The following SLC1A3 variants were observed in gnomAD, a reference collection of about 807,000 sequenced individuals.
The protein encoded by SLC1A3 is solute carrier family 1 member 3.
Under a neutral mutation model 48.1 loss-of-function variants are expected in SLC1A3, and 21 were observed. That is an observed-to-expected ratio of 0.44 (90% CI 0.31 to 0.63). The LOEUF (loss-of-function observed/expected upper bound fraction) is 0.63. Among genes scored for constraint, SLC1A3 ranks in the 20% least tolerant of loss-of-function variants. SLC1A3 has a pLI of 0.08. For synonymous variants in SLC1A3, 239 were observed against 251.4 expected, an observed-to-expected ratio of 0.95 and a Z score of 0.47; for missense variants, 546 against 689.0, an observed-to-expected ratio of 0.79 and a Z score of 2.32.
At chr5:36,674,140 TACCAA>T (rs749384702) in intron 5 of SLC1A3, 49 bp downstream of exon 5, 15 of 1,461,166 alleles carry the variant, frequency 1.0e-5, no homozygotes, top group Non-Finnish European at 1.4e-5. Context: ...CTCTTTTCTA[TACCAA>T]ACCAAGTGGG....
At position 36,677,105 on chromosome 5, in the gene SLC1A3, A is replaced by C; in HGVS notation, c.781A>C (p.Lys261Gln). Residue 261 changes from lysine to glutamine, a missense_variant, in exon 6 of 10, where the codon AAG (lysine) becomes CAG (glutamine). Physicochemically the swap from Lys to Gln is moderately conservative, Grantham distance 53 (BLOSUM62 1). Coordinates refer to ENST00000265113, the MANE Select transcript of SLC1A3 (RefSeq NM_004172.5). ...CTTCGGTTTTGTGATTGGAAACATG[A>C]AGGAACAGGGGCAGGCCCTGAGAGA... The part of the protein sequence containing the change: ...MCFGFVIGNM[K>Q]EQGQALREFF... The C allele has an allele frequency of 6.2e-7, 1 of 1,614,130 alleles. No individual in the cohort carries two copies. Among genetic ancestry groups the C allele is most frequent in the East Asian group, 2.2e-5 (1 of 44,888 alleles).
At chr5:36,604,747 CAA>C (rs1338523089), upstream of SLC1A3, among the ~76,000 whole-genome samples, 2 of 152,038 alleles carry the variant, frequency 1.3e-5, no homozygotes, top group Non-Finnish European at 2.9e-5. Context: ...CTATGCTAAC[CAA>C]AGTGTGGTTT....
intron 2 of SLC1A3, among the ~76,000 whole-genome samples, chr5:36,611,122 C>T (rs1236759993): frequency 6.6e-6 from 1 of 151,994 alleles, no homozygotes; most frequent in Non-Finnish European, 1.5e-5. Context: ...AAGAATGTGT[C>T]TGTACACCAA....
upstream of SLC1A3, chr5:36,606,503 G>A (rs976475838): frequency 6.6e-6 from 1 of 152,242 alleles, no homozygotes; most frequent in Non-Finnish European, 1.5e-5. Context: ...AAACCTCGGG[G>A]TTTCCCCCTC....
intron 2 of SLC1A3, among the ~76,000 whole-genome samples, chr5:36,621,050 T>C (rs2115523): frequency 0.65 from 98,810 of 151,324 alleles, 32,439 homozygotes; most frequent in South Asian, 0.72. Context: ...GGACAACAGG[T>C]GTGCACCACC....
intron 1 of SLC1A3, among the ~76,000 whole-genome samples, chr5:36,600,675 C>T (rs1291100718): frequency 6.6e-6 from 1 of 152,162 alleles, no homozygotes; most frequent in Non-Finnish European, 1.5e-5. Flanking sequence ...AATGGGAATT[C>T]CCTGCCTGGC....
rs939421153 is a variant in SLC1A3, at chr5:36,610,255, G to T, written c.181+1651G>T. Among the ~76,000 whole-genome samples the T allele has an allele frequency of 4.6e-5, 7 of 152,184 alleles. No individual in the cohort carries two copies. In the South Asian group the frequency reaches 1.0e-3, roughly 23 times the overall value. On this transcript the variant is annotated intron_variant, in intron 2 of 9. Transcript: ENST00000265113. The stretch of plus-strand genomic sequence containing the variant: ...ATGCCAGGAAGAGAAATACCCTCAT[G>T]AGTTGATGAAGGCCAGTTAGCTAGC...
At chr5:36,627,954 A>T (rs561732495) in intron 2 of SLC1A3, among the ~76,000 whole-genome samples, 2 of 152,278 alleles carry the variant, frequency 1.3e-5, no homozygotes, top group South Asian at 4.1e-4. Context: ...GGTTGTTGCA[A>T]GGATTAAATT....
At chr5:36,610,315 G>T (rs1246184349) in intron 2 of SLC1A3, among the ~76,000 whole-genome samples, 1 of 152,196 alleles carries the variant, frequency 6.6e-6, no homozygotes, top group African/African-American at 2.4e-5. Context: ...TTAACTGCAT[G>T]ATTTACCCGG....
intron 3 of SLC1A3, among the ~76,000 whole-genome samples, chr5:36,654,927 G>T (rs1741229333): frequency 6.6e-6 from 1 of 152,184 alleles, no homozygotes; most frequent in Non-Finnish European, 1.5e-5. Context: ...CGCTCTGGCT[G>T]CATTTATTTG....
chr5:36,651,963 T>C (rs1741096474), intron 3 of SLC1A3, among the ~76,000 whole-genome samples: 2 of 152,124 alleles, frequency 1.3e-5, no homozygotes, highest in African/African-American at 2.4e-5. Context: ...CCCTGAGCAG[T>C]GTCAGACCAG....
At chr5:36,603,322 A>C (rs551363979), upstream of SLC1A3, among the ~76,000 whole-genome samples, 17 of 152,218 alleles carry the variant, frequency 1.1e-4, no homozygotes, top group Non-Finnish European at 1.6e-4. Context: ...CTAACTGGTA[A>C]ATAGGCCTCA....
chr5:36,636,530 T>C (rs1330961116), intron 3 of SLC1A3, among the ~76,000 whole-genome samples: 1 of 151,196 alleles, frequency 6.6e-6, no homozygotes, highest in Non-Finnish European at 1.5e-5. Context: ...TCTCTCTCTT[T>C]CCTTTTCTCT....
intron 3 of SLC1A3, among the ~76,000 whole-genome samples, chr5:36,660,682 T>C (rs1287747243): frequency 2.0e-5 from 3 of 152,252 alleles, no homozygotes; most frequent in African/African-American, 7.2e-5. Context: ...ACTGCTTTAT[T>C]GTTTGGCTCT....
At chr5:36,650,807 C>T (rs1741030645) in intron 3 of SLC1A3, among the ~76,000 whole-genome samples, 1 of 152,178 alleles carries the variant, frequency 6.6e-6, no homozygotes, top group South Asian at 2.1e-4. Flanking sequence ...TAGGCAGGGC[C>T]AGCCTTTGGC....
intron 3 of SLC1A3, among the ~76,000 whole-genome samples, chr5:36,639,189 G>A (rs1008672140): frequency 6.6e-5 from 10 of 152,154 alleles, no homozygotes; most frequent in African/African-American, 2.4e-4. Flanking sequence ...AGTGACCTTC[G>A]ATGGGCTACT....
At position 36,676,876 on chromosome 5, in the gene SLC1A3, G is replaced by T; in HGVS notation, c.568-16G>T. The T allele has an allele frequency of 6.2e-7, 1 of 1,602,606 alleles. No homozygotes were observed. The highest frequency in any genetic ancestry group is 8.5e-7 in the Non-Finnish European group (1 of 1,172,430). The stretch of plus-strand genomic sequence containing the variant: ...AAAAATCACCTTTAATCCTCGTTGT[G>T]CTTTTTATTTTTAAGTTTAAAACCA... On this transcript the variant is annotated splice_polypyrimidine_tract_variant and intron_variant, in intron 5 of 9. Coordinates refer to ENST00000265113, the MANE Select transcript of SLC1A3 (RefSeq NM_004172.5).
intron 1 of SLC1A3, among the ~76,000 whole-genome samples, chr5:36,599,858 C>G (rs77725245): frequency 6.6e-6 from 1 of 151,894 alleles, no homozygotes; most frequent in Non-Finnish European, 1.5e-5. Context: ...GCTCTCGTCA[C>G]CCAGGCTGGA....
upstream of SLC1A3, among the ~76,000 whole-genome samples, chr5:36,602,928 G>C (rs1259369315): frequency 1.3e-5 from 2 of 152,218 alleles, no homozygotes; most frequent in African/African-American, 4.8e-5. Flanking sequence ...CCTTGGCTCA[G>C]TGTCAGCCGA....
Sources: allele counts gnomAD v4.1 joint callset (sites outside exome capture counted in the v4.1 genomes callset), GRCh38; gene constraint gnomAD v4.1.1; transcripts MANE v1.5; gene names NCBI Gene and HGNC (gene_info 2026-07-23, HGNC 2026-07-21).